Variants in ANKRD45 observed in about 807,000 individuals in gnomAD.
ANKRD45 encodes the protein ankyrin repeat domain 45.
Under a neutral mutation model 28.1 loss-of-function variants are expected in ANKRD45, and 21 were observed. The ratio of observed to expected loss-of-function variants is 0.75; its 90% CI spans 0.53 to 1.08. The LOEUF (loss-of-function observed/expected upper bound fraction) is 1.08, where lower values mean the gene tolerates loss of function less well. ANKRD45 is among the 50% of genes least tolerant of loss of function. ANKRD45 has a pLI of 0.00. For synonymous variants in ANKRD45, 86 were observed against 103.9 expected (o/e 0.83, Z 1.05); for missense variants, 261 against 308.7 (o/e 0.85, Z 1.16).
At chr1:173,676,445 T>C in the ANKRD45 span, among the ~76,000 whole-genome samples, 1 of 152,172 alleles carries the variant, frequency 6.6e-6, no homozygotes, top group Non-Finnish European at 1.5e-5. Context: ...AAGATTACTT[T>C]AAACTTCTAT....
At chr1:173,688,669 CCT>C in the ANKRD45 span, among the ~76,000 whole-genome samples, 16 of 140,900 alleles carry the variant, frequency 1.1e-4, 1 homozygote, top group South Asian at 2.5e-3. Context: ...CTGCCTCTTT[CCT>C]CTCTCTCTTT....
At chr1:173,687,750 G>A in the ANKRD45 span, among the ~76,000 whole-genome samples, 5 of 152,034 alleles carry the variant, frequency 3.3e-5, no homozygotes, top group African/African-American at 1.2e-4. Context: ...TCGCACATTT[G>A]AGCAGACCAA....
At chr1:173,678,559 T>C in the ANKRD45 span, among the ~76,000 whole-genome samples, 4 of 152,160 alleles carry the variant, frequency 2.6e-5, no homozygotes, top group Admixed American at 2.6e-4. Context: ...TGATGGAAGG[T>C]ATCTCAAAAT....
rs192195609 is a variant in ANKRD45, at chr1:173,619,072, C to T, written c.730+5715G>A. ...AGCAAAGGAGAAATAAGATCCTTTT[C>T]AGACAAGCAAACACTGAGGGAATTT... On this transcript the variant is annotated intron_variant, in intron 5 of 5. Coordinates refer to ENST00000333279, the MANE Select transcript of ANKRD45 (RefSeq NM_198493.3). Among the ~76,000 whole-genome samples the T allele has an allele frequency of 2.8e-4, 42 of 152,340 alleles. 3 individuals are homozygous for T. In the East Asian group the frequency reaches 3.9e-3, roughly 14 times the overall value.
intron 3 of ANKRD45, among the ~76,000 whole-genome samples, chr1:173,631,265 G>A (rs891077856): frequency 2.0e-5 from 3 of 152,136 alleles, no homozygotes; most frequent in African/African-American, 7.2e-5. Flanking sequence ...ACTTCAGCAA[G>A]AGGATATAAC....
intron 3 of ANKRD45, chr1:173,635,890 G>A (rs1270913324): frequency 1.5e-5 from 20 of 1,350,076 alleles, no homozygotes; most frequent in Non-Finnish European, 1.7e-5. Flanking sequence ...ATCTCTAAGG[G>A]TTTAGAACAT....
chr1:173,695,885 G>C, the ANKRD45 span, among the ~76,000 whole-genome samples: 2 of 152,214 alleles, frequency 1.3e-5, no homozygotes, highest in South Asian at 4.1e-4. Flanking sequence ...TTCCCACCCA[G>C]TAAATTTTAG....
In ANKRD45 at chr1:173,611,576, TACACACACACACACACACAC is replaced by T. The variant is rs57884253; in HGVS notation, c.731-1381_731-1362del. Among the ~76,000 whole-genome samples the T allele has an allele frequency of 5.8e-4, 78 of 134,004 alleles. No individual in the cohort carries two copies. In the East Asian group the frequency reaches 0.011, roughly 20 times the overall value. The allele number at this position is 134,004 out of a possible 152,430, so 87.9% of individuals were successfully genotyped here. A position where few individuals can be genotyped will look rare whatever the true frequency, so the allele number is the denominator to read the frequency against. On this transcript the variant is annotated intron_variant, in intron 5 of 5. Transcript: ENST00000333279. ...GGACCCCTATGGCCTAATACATACA[TACACACACACACACACACAC>T]ACACACACACACACACACACACACA...
chr1:173,670,428 C>T (rs1670214310), upstream of ANKRD45, among the ~76,000 whole-genome samples: 1 of 152,188 alleles, frequency 6.6e-6, no homozygotes, highest in Admixed American at 6.5e-5. Flanking sequence ...TCAATGTTCA[C>T]ATGAATCACA....
At chr1:173,671,739 A>G (rs1670267798), upstream of ANKRD45, among the ~76,000 whole-genome samples, 2 of 151,666 alleles carry the variant, frequency 1.3e-5, no homozygotes, top group Non-Finnish European at 1.5e-5. Flanking sequence ...AAAATTAGCC[A>G]GGCGTGGTGG....
At chr1:173,682,458 C>T in the ANKRD45 span, among the ~76,000 whole-genome samples, 1 of 152,180 alleles carries the variant, frequency 6.6e-6, no homozygotes, top group East Asian at 1.9e-4. Flanking sequence ...ACAGGTTTCT[C>T]CCCCAAAAGG....
At chr1:173,651,702 C>A (rs375828279) in intron 2 of ANKRD45, among the ~76,000 whole-genome samples, 1 of 152,104 alleles carries the variant, frequency 6.6e-6, no homozygotes, top group African/African-American at 2.4e-5. Context: ...GCCATTTTCA[C>A]GATATTGATT....
intron 2 of ANKRD45, among the ~76,000 whole-genome samples, chr1:173,653,001 G>T (rs945024572): frequency 2.6e-5 from 4 of 151,660 alleles, no homozygotes; most frequent in Non-Finnish European, 4.4e-5. Context: ...TTCTTTATTA[G>T]TCTTGTTAGC....
At chr1:173,661,739 T>A (rs1669784167) in intron 1 of ANKRD45, among the ~76,000 whole-genome samples, 1 of 152,154 alleles carries the variant, frequency 6.6e-6, no homozygotes. Flanking sequence ...CCTTCCTCTA[T>A]GCCAGGCACT....
chr1:173,610,035 G>T lies in ANKRD45; in HGVS notation c.*110C>A. The T allele has an allele frequency of 9.0e-7, 1 of 1,110,710 alleles. No homozygotes were observed. Among genetic ancestry groups the T allele is most frequent in the Non-Finnish European group, 1.3e-6 (1 of 743,066 alleles). 68.8% of individuals were successfully genotyped at this position (1,110,710 alleles called of 1,614,324 possible). On this transcript the variant is annotated 3_prime_UTR_variant, in exon 6 of 6. Coordinates refer to ENST00000333279, the MANE Select transcript of ANKRD45 (RefSeq NM_198493.3). ...AACAAAACAAGGGCGATGTAATGTT[G>T]TACTTAAATACTTAAAGAAACCCAC...
the ANKRD45 span, among the ~76,000 whole-genome samples, chr1:173,702,734 T>C: frequency 2.7e-4 from 40 of 149,778 alleles, no homozygotes; most frequent in East Asian, 6.4e-3. Context: ...TTTTTTTTTT[T>C]TTTTTGAGAT....
At chr1:173,705,853 A>T in the ANKRD45 span, among the ~76,000 whole-genome samples, 1 of 152,048 alleles carries the variant, frequency 6.6e-6, no homozygotes, top group African/African-American at 2.4e-5. Context: ...TTTATCTTTC[A>T]ATTTATATAT....
At chr1:173,618,021 C>T (rs751754919) in intron 5 of ANKRD45, among the ~76,000 whole-genome samples, 3 of 152,128 alleles carry the variant, frequency 2.0e-5, no homozygotes, top group Non-Finnish European at 4.4e-5. Context: ...TGGAGCCATC[C>T]CCCAGCAAAC....
intron 3 of ANKRD45, chr1:173,636,865 T>C (rs1668468727): frequency 1.3e-6 from 2 of 1,535,804 alleles, no homozygotes; most frequent in Non-Finnish European, 1.7e-6. Flanking sequence ...CTGGTAATGA[T>C]CTAGAAAGCC....
Sources: allele counts gnomAD v4.1 joint callset (sites outside exome capture counted in the v4.1 genomes callset), GRCh38; gene constraint gnomAD v4.1.1; transcripts MANE v1.5; gene names NCBI Gene and HGNC (gene_info 2026-07-23, HGNC 2026-07-21).